Variants in TRHR observed in about 807,000 individuals in gnomAD.
The protein encoded by TRHR is thyrotropin-releasing hormone receptor.
In TRHR, 14 loss-of-function variants were observed where a neutral mutation model predicts 28.0. The observed-to-expected ratio is 0.50, with a 90% CI of 0.33 to 0.78. The LOEUF is 0.78. Among genes scored for constraint, TRHR ranks in the 30% least tolerant of loss-of-function variants. TRHR has a pLI of 0.02. For missense variants in TRHR, 438 were observed against 469.5 expected, an observed-to-expected ratio of 0.93 and a Z score of 0.62; for synonymous variants, 176 against 171.9, an observed-to-expected ratio of 1.02 and a Z score of -0.18.
intron 2 of TRHR, among the ~76,000 whole-genome samples, chr8:109,117,916 T>C (rs1360907643): frequency 1.3e-5 from 2 of 151,976 alleles, no homozygotes; most frequent in Non-Finnish European, 2.9e-5. Flanking sequence ...AGTGGTAAGA[T>C]ACGTAGCCTT....
intron 2 of TRHR, among the ~76,000 whole-genome samples, chr8:109,097,287 T>A (rs1185194079): frequency 6.6e-6 from 1 of 152,128 alleles, no homozygotes; most frequent in East Asian, 1.9e-4. Flanking sequence ...TGCCCCTAGG[T>A]GACTAATTTT....
At chr8:109,103,815 T>G (rs1811712337) in intron 2 of TRHR, among the ~76,000 whole-genome samples, 1 of 152,144 alleles carries the variant, frequency 6.6e-6, no homozygotes, top group Admixed American at 6.6e-5. Flanking sequence ...GAAAGGTTAT[T>G]AAATCACACC....
chr8:109,113,878 C>T lies in TRHR; in HGVS notation c.790-5170C>T, dbSNP rs566291202. ...TCAAAAGCATGCTAGAAGAGATAAC[C>T]CAATTAGCCTGTTTCTTCCATGCAG... is the stretch of plus-strand genomic sequence containing the variant. On this transcript the variant is annotated intron_variant, in intron 2 of 2. Transcript: ENST00000518632. 4.0e-4 allele frequency among the ~76,000 whole-genome samples: 61 copies of T among 152,010 alleles called. 2 individuals carry two copies. The South Asian group carries it at 0.012, about 31-fold the overall frequency.
intron 2 of TRHR, among the ~76,000 whole-genome samples, chr8:109,108,376 C>A (rs1407245928): frequency 5.3e-5 from 8 of 152,136 alleles, no homozygotes; most frequent in East Asian, 1.9e-4. Flanking sequence ...TACAATGTTA[C>A]CCTTACCAGG....
In TRHR at chr8:109,089,694, T is replaced by C. The variant is rs918304658; in HGVS notation, c.789+1393T>C. On this transcript the variant is annotated intron_variant, in intron 2 of 2. Coordinates refer to ENST00000518632, the MANE Select transcript of TRHR (RefSeq NM_003301.7). ...AATATAAGGCTTATTCAGCCATTTA[T>C]TACCCAAAACTTGATTAATGGAAAT... is the stretch of plus-strand genomic sequence containing the variant. Among the ~76,000 whole-genome samples the C allele has an allele frequency of 5.9e-5, 9 of 152,290 alleles. No individual in the cohort carries two copies. The Middle Eastern group carries it at 0.01, about 173-fold the overall frequency.
intron 2 of TRHR, among the ~76,000 whole-genome samples, chr8:109,106,454 C>T (rs1354363213): frequency 1.3e-5 from 2 of 152,082 alleles, no homozygotes; most frequent in Non-Finnish European, 2.9e-5. Context: ...TTAGCATTCC[C>T]TTAGCTCTTT....
chr8:109,089,120 G>A (rs1394536625), intron 2 of TRHR, among the ~76,000 whole-genome samples: 1 of 151,906 alleles, frequency 6.6e-6, no homozygotes, highest in African/African-American at 2.4e-5. Flanking sequence ...AAATGATATA[G>A]GAATAAAATA....
chr8:109,090,453 G>A (rs1404356361), intron 2 of TRHR, among the ~76,000 whole-genome samples: 1 of 152,102 alleles, frequency 6.6e-6, no homozygotes, highest in Non-Finnish European at 1.5e-5. Flanking sequence ...GAGCATTTGG[G>A]GTTGTCACAT....
intron 2 of TRHR, among the ~76,000 whole-genome samples, chr8:109,090,854 C>T (rs1048047995): frequency 2.0e-5 from 3 of 151,956 alleles, no homozygotes; most frequent in African/African-American, 4.8e-5. Context: ...TGTGATGGAG[C>T]GACTTAGTTG....
chr8:109,109,611 A>T (rs1405609117), intron 2 of TRHR, among the ~76,000 whole-genome samples: 1 of 152,182 alleles, frequency 6.6e-6, no homozygotes, highest in African/African-American at 2.4e-5. Context: ...CTAGATTAAA[A>T]TGTGTTCAGA....
At chr8:109,095,911 G>T (rs1047286079) in intron 2 of TRHR, among the ~76,000 whole-genome samples, 1 of 151,018 alleles carries the variant, frequency 6.6e-6, no homozygotes, top group Non-Finnish European at 1.5e-5. Flanking sequence ...TTCTCCACTC[G>T]CACCGCTGCT....
chr8:109,101,804 A>G lies in TRHR; in HGVS notation c.789+13503A>G, dbSNP rs537850786. 1.2e-4 allele frequency among the ~76,000 whole-genome samples: 18 copies of G among 152,292 alleles called. No individual in the cohort carries two copies. In the East Asian group the frequency reaches 2.7e-3, roughly 23 times the overall value. On this transcript the variant is annotated intron_variant, in intron 2 of 2. Coordinates refer to ENST00000518632, the MANE Select transcript of TRHR (RefSeq NM_003301.7). ...AGATATAGCTTTGGGATTAATTAGT[A>G]TAGAGATGGTTTGTTGAAGACACCA...
intron 2 of TRHR, among the ~76,000 whole-genome samples, chr8:109,097,205 C>G (rs79484046): frequency 0.013 from 1,934 of 152,228 alleles, 43 homozygotes; most frequent in African/African-American, 0.037. Context: ...CATAGAGAGG[C>G]AGAGAAATGA....
At position 109,087,897 on chromosome 8, in the gene TRHR, C is replaced by T; in HGVS notation, c.385C>T (p.His129Tyr). ...CATTGAGAGGTACATAGCAATCTGT[C>T]ACCCCATCAAAGCCCAGTTTCTCTG... ...FTIERYIAIC[H>Y]PIKAQFLCTF... is the part of the protein sequence containing the mutation. Residue 129 changes from histidine (H) to tyrosine (Y), a missense_variant, in exon 2 of 3, where the codon CAC becomes TAC. Coordinates refer to ENST00000518632, the MANE Select transcript of TRHR (RefSeq NM_003301.7). The T allele has an allele frequency of 6.2e-7, 1 of 1,614,198 alleles. No individual in the cohort carries two copies. The highest frequency in any genetic ancestry group is 8.5e-7 in the Non-Finnish European group (1 of 1,180,044).
At chr8:109,110,973 T>C (rs1412618253) in intron 2 of TRHR, among the ~76,000 whole-genome samples, 1 of 152,058 alleles carries the variant, frequency 6.6e-6, no homozygotes, top group African/African-American at 2.4e-5. Context: ...CTGGCCAACA[T>C]GGTAAAACCC....
intron 2 of TRHR, among the ~76,000 whole-genome samples, chr8:109,112,368 T>C (rs1193816984): frequency 6.6e-6 from 1 of 152,164 alleles, no homozygotes; most frequent in Non-Finnish European, 1.5e-5. Flanking sequence ...GGCAAACTAA[T>C]AAGCTAATCT....
chr8:109,090,994 G>A (rs1025350078), intron 2 of TRHR, among the ~76,000 whole-genome samples: 3 of 152,174 alleles, frequency 2.0e-5, no homozygotes, highest in Non-Finnish European at 4.4e-5. Context: ...GGCAAAGAAA[G>A]GAATTTGCAC....
chr8:109,112,588 A>T (rs1209262827), intron 2 of TRHR, among the ~76,000 whole-genome samples: 2 of 152,198 alleles, frequency 1.3e-5, no homozygotes, highest in African/African-American at 4.8e-5. Flanking sequence ...CTTCCTAATC[A>T]GTGCTTTCTG....
At chr8:109,102,138 A>C (rs1201246040) in intron 2 of TRHR, among the ~76,000 whole-genome samples, 1 of 152,166 alleles carries the variant, frequency 6.6e-6, no homozygotes, top group Non-Finnish European at 1.5e-5. Context: ...AAAAACTAAA[A>C]AGAGGGTAAG....
Sources: allele counts gnomAD v4.1 joint callset (sites outside exome capture counted in the v4.1 genomes callset), GRCh38; gene constraint gnomAD v4.1.1; transcripts MANE v1.5; gene names NCBI Gene and HGNC (gene_info 2026-07-23, HGNC 2026-07-21).